Variants in LUZP2 observed in about 807,000 individuals in gnomAD.
LUZP2 encodes the protein leucine zipper protein 2.
LUZP2 carries 52 observed loss-of-function variants against 51.6 expected under a neutral mutation model. That is an observed-to-expected ratio of 1.01 (90% CI 0.81 to 1.27). The LOEUF is 1.27. Among genes scored for constraint, LUZP2 ranks in the 50% most tolerant of loss-of-function variants. The pLI is 0.00. For missense variants in LUZP2, 436 were observed against 395.4 expected, an observed-to-expected ratio of 1.10 and a Z score of -0.87; for synonymous variants, 154 against 137.3, an observed-to-expected ratio of 1.12 and a Z score of -0.85.
intron 9 of LUZP2, among the ~76,000 whole-genome samples, chr11:25,043,301 G>C (rs1359839343): frequency 6.6e-6 from 1 of 151,998 alleles, no homozygotes; most frequent in African/African-American, 2.4e-5. Context: ...ATCTTTTGGG[G>C]ACCTCCACAT....
At chr11:25,019,283 C>T (rs1392329445) in intron 9 of LUZP2, among the ~76,000 whole-genome samples, 1 of 152,132 alleles carries the variant, frequency 6.6e-6, no homozygotes, top group Non-Finnish European at 1.5e-5. Flanking sequence ...GAATGTCATA[C>T]ATCATCTAAC....
chr11:25,029,050 T>G (rs542286488), intron 9 of LUZP2, among the ~76,000 whole-genome samples: 1 of 152,022 alleles, frequency 6.6e-6, no homozygotes, highest in African/African-American at 2.4e-5. Context: ...CTCATGGACA[T>G]AGAGAGTAGA....
Position 24,867,980 on chromosome 11 carries a change from T to C in LUZP2, c.397-38011T>C, listed in dbSNP as rs115124418. ...TGTTGTATTTTGAGAAATACATATA[T>C]AGAATGTAAGTTTTCTTGTTCTGAT... is the stretch of plus-strand genomic sequence containing the variant. On this transcript the variant is annotated intron_variant, in intron 5 of 11. Coordinates refer to ENST00000336930, the MANE Select transcript of LUZP2 (RefSeq NM_001009909.4). Among the ~76,000 whole-genome samples, 673 of 152,280 alleles carry C rather than the reference T, an allele frequency of 4.4e-3. 7 individuals carry two copies. The highest frequency in any genetic ancestry group is 0.016 in the African/African-American group (659 of 41,566).
chr11:24,645,289 G>C (rs555928125), intron 1 of LUZP2, among the ~76,000 whole-genome samples: 177 of 152,254 alleles, frequency 1.2e-3, no homozygotes, highest in Non-Finnish European at 2.2e-3. Context: ...GAAAGAGGGA[G>C]AGAAAGAGAG....
At chr11:25,040,342 G>GTTTTTTTTTTTTTTTT (rs1491549909) in intron 9 of LUZP2, among the ~76,000 whole-genome samples, 1 of 34,018 alleles carries the variant, frequency 2.9e-5, no homozygotes, top group African/African-American at 3.4e-4. Flanking sequence ...CTTTCTTTCC[G>GTTTTTTTTTTTTTTTT]ATTTTTTTTT....
At chr11:25,056,464 A>G (rs1858686427) in intron 10 of LUZP2, among the ~76,000 whole-genome samples, 1 of 152,118 alleles carries the variant, frequency 6.6e-6, no homozygotes. Context: ...TAGATAAGAA[A>G]GATTATGCAT....
intron 9 of LUZP2, among the ~76,000 whole-genome samples, chr11:25,013,375 C>T (rs12271101): frequency 0.4 from 61,473 of 151,894 alleles, 13,609 homozygotes; most frequent in Non-Finnish European, 0.5. Flanking sequence ...GATACCCTGA[C>T]CAAATCACTA....
intron 10 of LUZP2, among the ~76,000 whole-genome samples, chr11:25,057,532 A>G (rs985800641): frequency 5.9e-5 from 9 of 152,154 alleles, no homozygotes; most frequent in Non-Finnish European, 8.8e-5. Flanking sequence ...ACTCCATCCC[A>G]TTTTCCTGCA....
intron 1 of LUZP2, among the ~76,000 whole-genome samples, chr11:24,661,919 C>A (rs1288837200): frequency 6.6e-6 from 1 of 151,996 alleles, no homozygotes; most frequent in East Asian, 1.9e-4. Flanking sequence ...AGAGGGGAGG[C>A]AGCCTATTTC....
intron 7 of LUZP2, among the ~76,000 whole-genome samples, chr11:24,944,517 A>C (rs987354749): frequency 7.2e-5 from 11 of 152,230 alleles, no homozygotes; most frequent in Non-Finnish European, 1.6e-4. Context: ...GAGAATTGAT[A>C]TCCAGTAGAG....
intron 1 of LUZP2, among the ~76,000 whole-genome samples, chr11:24,691,927 A>G (rs1224245336): frequency 6.6e-6 from 1 of 152,048 alleles, no homozygotes; most frequent in Non-Finnish European, 1.5e-5. Context: ...TTCATTTAGT[A>G]GATTCATGAC....
chr11:25,042,027 T>C (rs1858078563), intron 9 of LUZP2, among the ~76,000 whole-genome samples: 1 of 152,122 alleles, frequency 6.6e-6, no homozygotes, highest in South Asian at 2.1e-4. Context: ...CATGGAAAAA[T>C]TGTCTTCCAC....
At chr11:24,601,604 T>C (rs1853638933) in intron 1 of LUZP2, among the ~76,000 whole-genome samples, 1 of 151,796 alleles carries the variant, frequency 6.6e-6, no homozygotes, top group Non-Finnish European at 1.5e-5. Context: ...GGGTAGCCTA[T>C]CCAAATTAAT....
intron 9 of LUZP2, among the ~76,000 whole-genome samples, chr11:25,049,758 A>G (rs879385701): frequency 5.5e-4 from 83 of 152,090 alleles, no homozygotes; most frequent in Non-Finnish European, 2.1e-4. Context: ...CTTACCATGG[A>G]AGAAATAAAT....
In LUZP2 at chr11:24,922,789, C is replaced by G. The variant is rs963065517; in HGVS notation, c.522+8251C>G. ...GACCCAGAGAAGTTATAAGAGTTTT[C>G]TGAAATTATGGGACTACCAAGTGGC... On this transcript the variant is annotated intron_variant, in intron 7 of 11. Transcript: ENST00000336930. Among the ~76,000 whole-genome samples, 3 of 120,214 alleles carry G rather than the reference C, an allele frequency of 2.5e-5. No individual in the cohort carries two copies. In the East Asian group the frequency reaches 9.2e-4, roughly 37 times the overall value. The allele number at this position is 120,214 out of a possible 152,430, so 78.9% of individuals were successfully genotyped here. A position where few individuals can be genotyped will look rare whatever the true frequency, so the allele number is the denominator to read the frequency against.
intron 4 of LUZP2, among the ~76,000 whole-genome samples, chr11:24,739,190 T>C (rs1859046688): frequency 6.6e-6 from 1 of 151,978 alleles, no homozygotes; most frequent in African/African-American, 2.4e-5. Context: ...GGCTTTGTTG[T>C]GGTTTCTGAG....
At chr11:24,809,813 G>A (rs1438797244) in intron 5 of LUZP2, among the ~76,000 whole-genome samples, 4 of 151,878 alleles carry the variant, frequency 2.6e-5, no homozygotes, top group African/African-American at 7.3e-5. Context: ...ATTTGCTTAG[G>A]AGACCACTAT....
intron 9 of LUZP2, among the ~76,000 whole-genome samples, chr11:25,031,218 G>C (rs547188158): frequency 6.7e-6 from 1 of 150,374 alleles, no homozygotes; most frequent in Non-Finnish European, 1.5e-5. Context: ...CACCATATTG[G>C]CCAGGCTGCT....
chr11:24,893,307 G>A (rs1323834303), intron 5 of LUZP2: 1 of 150,740 alleles, frequency 6.6e-6, no homozygotes, highest in Non-Finnish European at 1.5e-5. Flanking sequence ...TTTTTGTTTA[G>A]ATGAAGAAGA....
Sources: gnomAD v4.1 joint callset for allele counts (sites outside exome capture counted in the v4.1 genomes callset) on GRCh38, gnomAD v4.1.1 for gene constraint, MANE v1.5 for transcripts, NCBI Gene and HGNC (gene_info 2026-07-23, HGNC 2026-07-21) for gene names.